Variants in PHLPP2 observed in about 807,000 individuals in gnomAD.
PHLPP2 encodes the protein PH domain leucine-rich repeat-containing protein phosphatase 2.
PHLPP2 carries 66 observed loss-of-function variants against 124.9 expected under a neutral mutation model. The observed-to-expected ratio is 0.53, with a 90% CI of 0.43 to 0.65. The LOEUF is 0.65. Ranked by LOEUF, PHLPP2 falls within the 30% of genes least tolerant of loss-of-function variation. The pLI is 0.00. For synonymous variants in PHLPP2, 681 were observed against 624.7 expected (o/e 1.09, Z -1.34); for missense variants, 1,685 against 1,600.4 (o/e 1.05, Z -0.90).
intron 1 of PHLPP2, among the ~76,000 whole-genome samples, chr16:71,720,413 C>A (rs918385793): frequency 6.6e-6 from 1 of 152,146 alleles, no homozygotes; most frequent in African/African-American, 2.4e-5. Context: ...CCACTGTGCC[C>A]AGCCCAGTTT....
In PHLPP2 at chr16:71,714,811, AT is replaced by A. The variant is rs757321251; in HGVS notation, c.-6-11del. 34 of 1,604,560 alleles carry A rather than the reference AT, an allele frequency of 2.1e-5. No homozygotes were observed. Among genetic ancestry groups the A allele is most frequent in the Non-Finnish European group, 2.7e-5 (32 of 1,175,104 alleles). On this transcript the variant is annotated splice_polypyrimidine_tract_variant and intron_variant, in intron 1 of 18. Transcript: ENST00000568954. ...TGCGTTTCATATTTCTCTAAAAAAT[AT>A]CAAGAGAAAGAAATCGTTAGCTAGA...
chr16:71,658,999 G>A (rs1165710655), intron 13 of PHLPP2, among the ~76,000 whole-genome samples, 184 bp from the exon 14 acceptor site: 1 of 152,122 alleles, frequency 6.6e-6, no homozygotes, highest in African/African-American at 2.4e-5. Context: ...AACTACTCCT[G>A]CTATAACTAA....
Position 71,669,360 on chromosome 16 carries a change from C to G in PHLPP2, c.1543G>C (p.Glu515Gln). The change falls in exon 11 of 19, where the codon GAG (glutamate) becomes CAG (glutamine). Residue 515 changes from glutamate to glutamine, a missense_variant. By Grantham distance (29) the Glu-to-Gln change is conservative. Transcript: ENST00000568954. Reference protein sequence around the residue: ...TFLDLSRNLLECVPDWACEAK... With the variant: ...TFLDLSRNLLQCVPDWACEAK... ...TCACAGGCCCAGTCAGGGACACACT[C>G]TAGCAGGTTTCTGCAGAAAATAAAT... 6.2e-7 allele frequency: 1 copy of G among 1,609,502 alleles called. No individual in the cohort carries two copies. The highest frequency in any genetic ancestry group is 8.5e-7 in the Non-Finnish European group (1 of 1,177,764).
chr16:71,707,649 G>T lies in PHLPP2; in HGVS notation c.285-4918C>A, dbSNP rs2045287135. On this transcript the variant is annotated intron_variant, in intron 2 of 18. Coordinates refer to ENST00000568954, the MANE Select transcript of PHLPP2 (RefSeq NM_015020.3). ...CCCAGCTGATGAACTGTTCGATATG[G>T]TAGGAGGGTGACAGGCCTTGATTCC... Among the ~76,000 whole-genome samples, 3 of 152,200 alleles carry T rather than the reference G, an allele frequency of 2.0e-5. No individual in the cohort carries two copies. The South Asian group carries it at 6.2e-4, about 32-fold the overall frequency.
Position 71,649,583 on chromosome 16 carries a change from C to T in PHLPP2, c.3279G>A (p.Val1093=). 3 of 1,613,826 alleles carry T rather than the reference C, an allele frequency of 1.9e-6. No individual in the cohort carries two copies. Among genetic ancestry groups the T allele is most frequent in the Non-Finnish European group, 2.5e-6 (3 of 1,179,706 alleles). Reference sequence around the variant, plus strand: ...TATGCTCATCAGAAGCAGTGGACCCCACTTCACTGCTCACCTCTGAGGTGG... The same window carrying T: ...TATGCTCATCAGAAGCAGTGGACCCTACTTCACTGCTCACCTCTGAGGTGG... The part of the protein sequence containing the change: ...EMSTSEVSSE[V]GSTASDEHNA... Residue 1093 remains valine, a synonymous_variant, in exon 19 of 19, where the codon GTG becomes GTA. Coordinates refer to ENST00000568954, the MANE Select transcript of PHLPP2 (RefSeq NM_015020.3).
intron 3 of PHLPP2, among the ~76,000 whole-genome samples, chr16:71,694,993 G>A (rs1211694681): frequency 6.6e-6 from 1 of 152,024 alleles, no homozygotes; most frequent in Non-Finnish European, 1.5e-5. Flanking sequence ...CACTGTGTTA[G>A]CCAGGATGGT....
At chr16:71,674,594 C>T (rs1174115350) in intron 9 of PHLPP2, among the ~76,000 whole-genome samples, 1 of 152,008 alleles carries the variant, frequency 6.6e-6, no homozygotes, top group East Asian at 1.9e-4. Context: ...AAAAAGTGTG[C>T]AATTTATCCA....
At chr16:71,720,170 T>C (rs1044336665) in intron 1 of PHLPP2, among the ~76,000 whole-genome samples, 1 of 151,610 alleles carries the variant, frequency 6.6e-6, no homozygotes, top group African/African-American at 2.4e-5. Context: ...GGGGTTTCAC[T>C]GTGTTAGCCA....
At chr16:71,693,293 GA>G (rs1168190142) in intron 3 of PHLPP2, among the ~76,000 whole-genome samples, 2 of 151,642 alleles carry the variant, frequency 1.3e-5, no homozygotes, top group Non-Finnish European at 1.5e-5. Context: ...TCTCACAAAA[GA>G]AAAAAAAGAT....
At chr16:71,708,450 G>T (rs549159334) in intron 2 of PHLPP2, among the ~76,000 whole-genome samples, 1 of 152,198 alleles carries the variant, frequency 6.6e-6, no homozygotes, top group Admixed American at 6.5e-5. Context: ...CTATAAAACT[G>T]CCCCACCCCA....
At chr16:71,712,829 A>G (rs1001458590) in intron 2 of PHLPP2, among the ~76,000 whole-genome samples, 1 of 152,190 alleles carries the variant, frequency 6.6e-6, no homozygotes, top group African/African-American at 2.4e-5. Context: ...TTAAGGTGTA[A>G]GTGGGAGCTT....
chr16:71,662,037 T>A (rs2145316271), intron 13 of PHLPP2, among the ~76,000 whole-genome samples: 1 of 151,784 alleles, frequency 6.6e-6, no homozygotes, highest in Admixed American at 6.5e-5. Context: ...TTGGCCAGAA[T>A]GGTCTTGATT....
chr16:71,666,379 G>C (rs2044840173), intron 12 of PHLPP2, among the ~76,000 whole-genome samples: 1 of 152,112 alleles, frequency 6.6e-6, no homozygotes, highest in Admixed American at 6.5e-5. Context: ...CAGGTGTGGT[G>C]GTGCATCCCT....
chr16:71,707,119 T>G (rs2045280833), intron 2 of PHLPP2, among the ~76,000 whole-genome samples: 1 of 151,396 alleles, frequency 6.6e-6, no homozygotes, highest in African/African-American at 2.4e-5. Flanking sequence ...CTCGCCCGGC[T>G]AATTTTTTTG....
intron 6 of PHLPP2, among the ~76,000 whole-genome samples, chr16:71,679,848 C>A (rs781683175): frequency 6.6e-6 from 1 of 152,004 alleles, no homozygotes; most frequent in African/African-American, 2.4e-5. Context: ...TTTGGAAGGC[C>A]GAGGCAGGTG....
At chr16:71,723,675 G>A (rs1435203467) in intron 1 of PHLPP2, 1 of 531,720 alleles carries the variant, frequency 1.9e-6, no homozygotes, top group Non-Finnish European at 2.9e-6. Context: ...GCGCGGGGCG[G>A]GGGCGGCAGC....
At chr16:71,721,703 C>T (rs1018543161) in intron 1 of PHLPP2, among the ~76,000 whole-genome samples, 14 of 151,610 alleles carry the variant, frequency 9.2e-5, no homozygotes, top group African/African-American at 3.4e-4. Flanking sequence ...TGACACACAC[C>T]GACATTAGCT....
chr16:71,714,625 G>A lies in PHLPP2; in HGVS notation c.171C>T (p.Ser57=). The part of the protein sequence containing the change: ...TTTSSSSSSS[S]SSSDLHLVLC... Reference sequence around the variant, plus strand: ...GGACGAGATGTAAGTCAGAGGAAGAGGAGGAGGAGGAAGAGGAAGAGGAGG... The same window carrying A: ...GGACGAGATGTAAGTCAGAGGAAGAAGAGGAGGAGGAAGAGGAAGAGGAGG... The change falls in exon 2 of 19, where the codon TCC becomes TCT. Residue 57 remains serine (S), a synonymous_variant. Coordinates refer to ENST00000568954, the MANE Select transcript of PHLPP2 (RefSeq NM_015020.3). The A allele has an allele frequency of 6.2e-7, 1 of 1,606,300 alleles. No individual in the cohort carries two copies. Among genetic ancestry groups the A allele is most frequent in the Non-Finnish European group, 8.5e-7 (1 of 1,173,008 alleles).
At chr16:71,667,073 TA>T in intron 12 of PHLPP2, 104 bp downstream of exon 12, 2 of 945,324 alleles carry the variant, frequency 2.1e-6, no homozygotes, top group Non-Finnish European at 3.2e-6. Context: ...GACTATTAGG[TA>T]AACGCTCTGT....
Sources: allele counts gnomAD v4.1 joint callset (sites outside exome capture counted in the v4.1 genomes callset), GRCh38; gene constraint gnomAD v4.1.1; transcripts MANE v1.5; gene names NCBI Gene and HGNC (gene_info 2026-07-23, HGNC 2026-07-21).